Variants in DNM1L observed in about 807,000 individuals in gnomAD.
The protein encoded by DNM1L is dynamin-1-like protein.
DNM1L carries 33 observed loss-of-function variants against 92.8 expected under a neutral mutation model. The observed-to-expected ratio is 0.36, with a 90% CI of 0.27 to 0.48. The LOEUF (loss-of-function observed/expected upper bound fraction) is 0.48. Among genes scored for constraint, DNM1L ranks in the 20% least tolerant of loss-of-function variants. The probability of loss-of-function intolerance (pLI) is 0.99; values close to 1 mark genes in which losing one functional copy is unlikely to be tolerated. For missense variants in DNM1L, 485 were observed against 888.8 expected, an observed-to-expected ratio of 0.55 and a Z score of 5.78; for synonymous variants, 284 against 305.0, an observed-to-expected ratio of 0.93 and a Z score of 0.72.
At chr12:32,708,274 T>A in intron 4 of DNM1L, 50 bp downstream of exon 4, 1 of 1,205,562 alleles carries the variant, frequency 8.3e-7, no homozygotes, top group East Asian at 2.3e-5. Flanking sequence ...AAATATATAA[T>A]TGAGGTATTC....
chr12:32,711,782 C>T (rs188062941), intron 5 of DNM1L, among the ~76,000 whole-genome samples: 124 of 152,266 alleles, frequency 8.1e-4, no homozygotes, highest in Middle Eastern at 3.4e-3. Context: ...GTAGTCCCAG[C>T]TGAGGCAAGA....
In DNM1L at chr12:32,731,197, T is replaced by C. The variant is rs1954531434; in HGVS notation, c.1200+63T>C. ...GAGGTTAAAGTTTTTCTTACCCATA[T>C]ACTGTGTCTTTTTAAATTTAATTAT... is the stretch of plus-strand genomic sequence containing the variant. On this transcript the variant is annotated intron_variant, in intron 10 of 19. Coordinates refer to ENST00000549701, the MANE Select transcript of DNM1L (RefSeq NM_012062.5). The surrounding 1 kb of genome is among the most constrained non-coding windows in gnomAD (Gnocchi z 5.1). 13 of 1,605,556 alleles carry C rather than the reference T, an allele frequency of 8.1e-6. No homozygotes were observed. The highest frequency in any genetic ancestry group is 1.0e-5 in the Non-Finnish European group (12 of 1,175,000).
At position 32,687,639 on chromosome 12, in the gene DNM1L, G is replaced by A. The variant is rs182095106; in HGVS notation, c.102+8174G>A. On this transcript the variant is annotated intron_variant, in intron 1 of 19. Transcript: ENST00000549701. ...TTTGGTATTTTTTTTTAGTAGATAC[G>A]GGGTTTTGCCATGTTGGCCAGGCTG... is the stretch of plus-strand genomic sequence containing the variant. Among the ~76,000 whole-genome samples the A allele has an allele frequency of 2.2e-4, 33 of 151,996 alleles. No homozygotes were observed. The East Asian group carries it at 4.5e-3, about 21-fold the overall frequency.
chr12:32,707,447 T>C (rs1480748220), intron 3 of DNM1L, 34 bp downstream of exon 3: 1 of 1,466,026 alleles, frequency 6.8e-7, no homozygotes, highest in Non-Finnish European at 9.3e-7. Flanking sequence ...AGAAATAATG[T>C]TGAAAAAAAT....
At position 32,740,470 on chromosome 12, in the gene DNM1L, G is replaced by A; in HGVS notation, c.1946G>A (p.Arg649Gln). 6.2e-7 allele frequency: 1 copy of A among 1,613,974 alleles called. No homozygotes were observed. The highest frequency in any genetic ancestry group is 1.1e-5 in the South Asian group (1 of 91,036). ...REQRDCEVIE[R>Q]LIKSYFLIVR... ...CAGCGAGATTGTGAGGTTATTGAACGACTCATTAAATCATATTTTCTCATT... is the reference window on the plus strand; with the variant it reads ...CAGCGAGATTGTGAGGTTATTGAACAACTCATTAAATCATATTTTCTCATT... The change falls in exon 18 of 20, where the codon CGA becomes CAA. Residue 649 changes from arginine (R) to glutamine (Q), a missense_variant. Physicochemically the swap from Arg to Gln is conservative, Grantham distance 43 (BLOSUM62 1). Coordinates refer to ENST00000549701, the MANE Select transcript of DNM1L (RefSeq NM_012062.5).
chr12:32,716,086 T>C (rs1017230499), intron 6 of DNM1L, among the ~76,000 whole-genome samples: 3 of 152,122 alleles, frequency 2.0e-5, no homozygotes, highest in Admixed American at 6.6e-5. Flanking sequence ...ACTATTAATA[T>C]ACAAGAACAC....
intron 1 of DNM1L, among the ~76,000 whole-genome samples, chr12:32,689,681 C>T (rs942836938): frequency 3.1e-4 from 47 of 151,934 alleles, no homozygotes; most frequent in African/African-American, 1.1e-3. Flanking sequence ...AGAGGTCTGC[C>T]TTACACAATG....
intron 9 of DNM1L, chr12:32,728,343 G>A (rs1285161837): frequency 2.0e-5 from 3 of 152,188 alleles, no homozygotes; most frequent in African/African-American, 7.2e-5. Flanking sequence ...GGCATATTGA[G>A]AAAAATAGAT....
chr12:32,684,628 A>T (rs992960393), intron 1 of DNM1L, among the ~76,000 whole-genome samples: 1 of 151,978 alleles, frequency 6.6e-6, no homozygotes, highest in Non-Finnish European at 1.5e-5. Context: ...TACCGCACCC[A>T]GCTAATTTTT....
intron 1 of DNM1L, among the ~76,000 whole-genome samples, chr12:32,682,817 A>G (rs12815754): frequency 0.12 from 18,279 of 152,188 alleles, 1,262 homozygotes; most frequent in Middle Eastern, 0.2. Flanking sequence ...GTTTACAGCT[A>G]TCAGTCATTC....
intron 18 of DNM1L, among the ~76,000 whole-genome samples, chr12:32,740,785 ATC>A (rs1955234849): frequency 6.6e-6 from 1 of 152,174 alleles, no homozygotes; most frequent in Non-Finnish European, 1.5e-5. Flanking sequence ...ATTTAAGAAA[ATC>A]TTTTTCCTAA....
At chr12:32,730,974 T>G in intron 9 of DNM1L, 40 bp from the exon 10 acceptor site, 2 of 1,612,736 alleles carry the variant, frequency 1.2e-6, no homozygotes, top group Non-Finnish European at 1.7e-6. Context: ...TTCTTTCCCT[T>G]TTTGCAATGC....
At chr12:32,680,056 T>A (rs13378050) in intron 1 of DNM1L, 143,784 of 960,924 alleles carry the variant, frequency 0.15, 12,262 homozygotes, top group African/African-American at 0.37. Context: ...AGCAGCATTT[T>A]AAAAAAAGAA....
chr12:32,685,964 C>CT (rs140140971), intron 1 of DNM1L, among the ~76,000 whole-genome samples: 22,894 of 139,434 alleles, frequency 0.16, 1,854 homozygotes, highest in Middle Eastern at 0.23. Context: ...ATGTTTTTCT[C>CT]TTTTTTTGTA....
intron 9 of DNM1L, among the ~76,000 whole-genome samples, chr12:32,724,576 C>CAAA (rs10535838): frequency 3.6e-4 from 35 of 95,912 alleles, no homozygotes; most frequent in African/African-American, 1.4e-3. Flanking sequence ...ACTCTATCTC[C>CAAA]AAAAAAAAAA....
Position 32,705,807 on chromosome 12 carries a change from GTTTCTC to G in DNM1L, c.251-1556_251-1551del, listed in dbSNP as rs751232550. 5.0e-6 allele frequency: 8 copies of G among 1,596,664 alleles called. No individual in the cohort carries two copies. The Admixed American group carries it at 6.7e-5, about 13-fold the overall frequency. ...ATAAGCACTAAACTTATTCTGTGCT[GTTTCTC>G]TTTAACTACAGACCCTGCTACATGG... On this transcript the variant is annotated intron_variant, in intron 2 of 19. Transcript: ENST00000549701.
chr12:32,695,536 G>C (rs1952409366), intron 1 of DNM1L, among the ~76,000 whole-genome samples: 1 of 152,230 alleles, frequency 6.6e-6, no homozygotes, highest in African/African-American at 2.4e-5. Context: ...TTAGGAGGCT[G>C]AGGCAGGAGG....
chr12:32,705,588 T>C lies in DNM1L; in HGVS notation c.251-1779T>C, dbSNP rs1952890689. On this transcript the variant is annotated intron_variant, in intron 2 of 19. Coordinates refer to ENST00000549701, the MANE Select transcript of DNM1L (RefSeq NM_012062.5). ...TGGCAAGCAATATGCTTTGTTTCTA[T>C]GACTTAAAAATATTATATACATCCC... 1.0e-5 allele frequency: 4 copies of C among 398,892 alleles called. No individual in the cohort carries two copies. The Admixed American group carries it at 1.3e-4, about 13-fold the overall frequency. The allele number at this position is 398,892 out of a possible 1,614,324, so 24.7% of individuals were successfully genotyped here. A position where few individuals can be genotyped will look rare whatever the true frequency, so the allele number is the denominator to read the frequency against.
rs549604429 is a variant in DNM1L, at chr12:32,685,096, C to T, written c.102+5631C>T. Among the ~76,000 whole-genome samples, 21 of 151,936 alleles carry T rather than the reference C, an allele frequency of 1.4e-4. 1 individual carries two copies. The South Asian group carries it at 4.2e-3, about 30-fold the overall frequency. Reference sequence around the variant, plus strand: ...CTGGGACTGCAGGTGCCCGCTACCACGCCCAGCTAATTTTTTGTTTTTAGT... The same window carrying T: ...CTGGGACTGCAGGTGCCCGCTACCATGCCCAGCTAATTTTTTGTTTTTAGT... On this transcript the variant is annotated intron_variant, in intron 1 of 19. Coordinates refer to ENST00000549701, the MANE Select transcript of DNM1L (RefSeq NM_012062.5).
Sources: allele counts gnomAD v4.1 joint callset (sites outside exome capture counted in the v4.1 genomes callset), GRCh38; gene constraint gnomAD v4.1.1; non-coding constraint Gnocchi (gnomAD v3.1); transcripts MANE v1.5; gene names NCBI Gene and HGNC (gene_info 2026-07-23, HGNC 2026-07-21).